The following ANO3 variants were observed in gnomAD, a reference collection of about 807,000 sequenced individuals.
The protein encoded by ANO3 is anoctamin-3.
In ANO3, 99 loss-of-function variants were observed where a neutral mutation model predicts 144.8. The ratio of observed to expected loss-of-function variants is 0.68; its 90% confidence interval spans 0.58 to 0.81. ANO3 has a LOEUF of 0.81. ANO3 is among the 30% of genes least tolerant of loss of function. The pLI is 0.00. For missense variants in ANO3, 905 were observed against 1,202.2 expected (o/e 0.75, Z 3.66); for synonymous variants, 414 against 392.6 (o/e 1.05, Z -0.64).
intron 10 of ANO3, among the ~76,000 whole-genome samples, chr11:26,540,172 A>G (rs1207310930): frequency 1.3e-5 from 2 of 152,178 alleles, no homozygotes; most frequent in East Asian, 1.9e-4. Context: ...TGAAAAAAAA[A>G]TCCTTCAATT....
At chr11:26,654,268 G>T (rs1010415294) in intron 24 of ANO3, among the ~76,000 whole-genome samples, 1 of 152,028 alleles carries the variant, frequency 6.6e-6, no homozygotes, top group South Asian at 2.1e-4. Flanking sequence ...TTAAGCGTTC[G>T]TTGAATTCTC....
intron 6 of ANO3, among the ~76,000 whole-genome samples, chr11:26,521,290 T>A (rs926815682): frequency 2.6e-5 from 4 of 152,198 alleles, no homozygotes; most frequent in South Asian, 4.1e-4. Flanking sequence ...TAATATTTTT[T>A]AAAAATTTAT....
chr11:26,414,757 TTAAA>T (rs1167471657), intron 1 of ANO3, among the ~76,000 whole-genome samples: 4 of 79,594 alleles, frequency 5.0e-5, no homozygotes, highest in Admixed American at 1.3e-4. Flanking sequence ...TACAGTAAAG[TTAAA>T]AAAAAAAAAA....
chr11:26,507,326 A>G (rs1480740949), intron 4 of ANO3, among the ~76,000 whole-genome samples: 1 of 152,216 alleles, frequency 6.6e-6, no homozygotes, highest in Admixed American at 6.5e-5. Context: ...GGTAATCAGT[A>G]GGTCTTATAA....
At chr11:26,512,024 C>T (rs1259460486) in intron 5 of ANO3, among the ~76,000 whole-genome samples, 1 of 152,050 alleles carries the variant, frequency 6.6e-6, no homozygotes, top group Non-Finnish European at 1.5e-5. Context: ...TAATTTTAAG[C>T]AGGTTAGTAT....
In ANO3 at chr11:26,302,759, T is replaced by C. The variant is rs767436699; in HGVS notation, c.155-6886T>C. Among the ~76,000 whole-genome samples the C allele has an allele frequency of 5.9e-4, 90 of 152,314 alleles. 2 individuals carry two copies. The highest frequency in any genetic ancestry group is 2.1e-4 in the Non-Finnish European group (14 of 68,028). On this transcript the variant is annotated intron_variant, in intron 1 of 27. Coordinates refer to the ANO3 transcript ENST00000672621. Reference sequence around the variant, plus strand: ...TATTCTGTAATATATTTTCAGCTTTTGTATGGACATATATATGTGTTTAGA... The same window carrying C: ...TATTCTGTAATATATTTTCAGCTTTCGTATGGACATATATATGTGTTTAGA...
chr11:26,554,343 G>A (rs1850024361), intron 13 of ANO3, among the ~76,000 whole-genome samples: 2 of 151,920 alleles, frequency 1.3e-5, no homozygotes, highest in South Asian at 2.1e-4. Flanking sequence ...CAAAATTTTG[G>A]ATTGTTTCAA....
At chr11:26,313,893 A>G (rs1854562891) in intron 1 of ANO3, among the ~76,000 whole-genome samples, 1 of 149,384 alleles carries the variant, frequency 6.7e-6, no homozygotes, top group Non-Finnish European at 1.5e-5. Context: ...ATAATATAAT[A>G]TAATAAAAAG....
intron 17 of ANO3, among the ~76,000 whole-genome samples, chr11:26,614,628 G>A (rs1852196044): frequency 6.6e-6 from 1 of 152,184 alleles, no homozygotes; most frequent in African/African-American, 2.4e-5. Context: ...GACTGGATTT[G>A]AGGCCTGTGG....
At chr11:26,313,827 T>A (rs1487605035) in intron 1 of ANO3, among the ~76,000 whole-genome samples, 1 of 150,368 alleles carries the variant, frequency 6.7e-6, no homozygotes, top group African/African-American at 2.4e-5. Context: ...CTTTTTGTGA[T>A]TACATTATAA....
chr11:26,189,210 T>C, exon 1 of ANO3: 1 of 985,376 alleles, frequency 1.0e-6, no homozygotes, highest in Non-Finnish European at 1.2e-6. Context: ...GGATAATTTT[T>C]CTCCTGAAGG....
chr11:26,645,707 G>A (rs535662363), intron 23 of ANO3, among the ~76,000 whole-genome samples: 1 of 152,008 alleles, frequency 6.6e-6, no homozygotes, highest in Non-Finnish European at 1.5e-5. Context: ...GCCTTTTTGG[G>A]GGGCAGAGGG....
chr11:26,448,739 G>C (rs1048144161), intron 3 of ANO3, among the ~76,000 whole-genome samples: 1 of 20,430 alleles, frequency 4.9e-5, no homozygotes, highest in Non-Finnish European at 2.1e-4. Flanking sequence ...TTTCAGTTAT[G>C]ACAGTCTCAC....
At chr11:26,278,506 C>T (rs1853607470) in intron 1 of ANO3, among the ~76,000 whole-genome samples, 1 of 152,070 alleles carries the variant, frequency 6.6e-6, no homozygotes, top group African/African-American at 2.4e-5. Context: ...ACATGTATCC[C>T]TCAGACTTTA....
At chr11:26,563,217 A>G in intron 14 of ANO3, 1 of 1,612,096 alleles carries the variant, frequency 6.2e-7, no homozygotes, top group South Asian at 1.1e-5. Flanking sequence ...TGAGACACCC[A>G]GAATAGCACC....
intron 1 of ANO3, among the ~76,000 whole-genome samples, chr11:26,300,855 C>CTTTTTTT (rs376885670): frequency 1.5e-5 from 2 of 129,074 alleles, no homozygotes; most frequent in Non-Finnish European, 3.2e-5. Flanking sequence ...TCTTTTTTTT[C>CTTTTTTT]TTTTTTTTTT....
At chr11:26,393,828 G>A (rs1856939959) in intron 1 of ANO3, among the ~76,000 whole-genome samples, 1 of 152,088 alleles carries the variant, frequency 6.6e-6, no homozygotes, top group African/African-American at 2.4e-5. Flanking sequence ...ATAAATAGTT[G>A]ATGCACATAC....
intron 1 of ANO3, among the ~76,000 whole-genome samples, chr11:26,323,018 C>T (rs1400752087): frequency 2.0e-5 from 3 of 151,882 alleles, no homozygotes; most frequent in Admixed American, 2.0e-4. Context: ...TATTTTGGTG[C>T]CAAAATTTTC....
intron 4 of ANO3, among the ~76,000 whole-genome samples, chr11:26,477,392 T>C (rs1421560029): frequency 6.6e-6 from 1 of 152,150 alleles, no homozygotes; most frequent in South Asian, 2.1e-4. Flanking sequence ...TATGGAGTTT[T>C]CTCGACCTGG....
Sources: allele counts gnomAD v4.1 joint callset (sites outside exome capture counted in the v4.1 genomes callset), GRCh38; gene constraint gnomAD v4.1.1; transcripts MANE v1.5; gene names NCBI Gene and HGNC (gene_info 2026-07-23, HGNC 2026-07-21).